Variants in TXLNB observed in about 807,000 individuals in gnomAD.
The protein encoded by TXLNB is taxilin beta, also known as beta-taxilin.
A neutral mutation model predicts 57.4 loss-of-function variants in TXLNB; 37 were observed. The observed-to-expected ratio is 0.64, with a 90% confidence interval of 0.50 to 0.85. The LOEUF (loss-of-function observed/expected upper bound fraction) is 0.85. Ranked by LOEUF, TXLNB falls within the 40% of genes least tolerant of loss-of-function variation. The pLI, the probability that TXLNB is intolerant of heterozygous loss-of-function variation, is 0.00. For missense variants in TXLNB, 848 were observed against 825.6 expected (o/e 1.03, Z -0.33); for synonymous variants, 302 against 309.6 (o/e 0.98, Z 0.26).
the TXLNB span, among the ~76,000 whole-genome samples, chr6:139,211,315 G>A: frequency 1.6e-4 from 25 of 152,272 alleles, no homozygotes; most frequent in East Asian, 1.2e-3. Flanking sequence ...CAGCATTTGC[G>A]GTTCACCAAT....
intron 6 of TXLNB, among the ~76,000 whole-genome samples, chr6:139,259,579 G>A (rs996649091): frequency 6.6e-6 from 1 of 152,134 alleles, no homozygotes; most frequent in Admixed American, 6.5e-5. Context: ...TCTAAAGTAC[G>A]TCCCCTTCTT....
chr6:139,272,812 T>C (rs1035633530), intron 3 of TXLNB, among the ~76,000 whole-genome samples: 3 of 152,204 alleles, frequency 2.0e-5, no homozygotes, highest in Admixed American at 6.5e-5. Flanking sequence ...GGCAGGCGGA[T>C]CACCTGAAGT....
At chr6:139,273,314 G>T (rs1056851345) in intron 3 of TXLNB, among the ~76,000 whole-genome samples, 1 of 152,160 alleles carries the variant, frequency 6.6e-6, no homozygotes, top group Non-Finnish European at 1.5e-5. Flanking sequence ...ATTGTCGCCT[G>T]GTGAACAAAA....
chr6:139,168,425 G>GTTT, the TXLNB span, among the ~76,000 whole-genome samples: 14 of 138,186 alleles, frequency 1.0e-4, no homozygotes, highest in Admixed American at 1.4e-4. Context: ...GATTTGCATA[G>GTTT]TTTTTTTTTT....
At chr6:139,300,504 A>G in the TXLNB span, among the ~76,000 whole-genome samples, 2 of 152,048 alleles carry the variant, frequency 1.3e-5, no homozygotes, top group African/African-American at 4.8e-5. Context: ...TTGTCCATTG[A>G]TAGGCTTAAA....
At chr6:139,247,125 A>G (rs1402186154) in intron 8 of TXLNB, among the ~76,000 whole-genome samples, 1 of 152,070 alleles carries the variant, frequency 6.6e-6, no homozygotes, top group Non-Finnish European at 1.5e-5. Context: ...TTGTATATTC[A>G]TATAAAAGTT....
chr6:139,272,622 G>T (rs969199607), intron 3 of TXLNB, among the ~76,000 whole-genome samples: 2 of 152,226 alleles, frequency 1.3e-5, no homozygotes, highest in African/African-American at 2.4e-5. Context: ...TATTTCTCAT[G>T]CTAAGCTGCT....
At chr6:139,310,696 T>C in the TXLNB span, among the ~76,000 whole-genome samples, 1 of 152,218 alleles carries the variant, frequency 6.6e-6, no homozygotes, top group Non-Finnish European at 1.5e-5. Context: ...TGTTTTGTTT[T>C]GGTTTGGTTT....
the TXLNB span, among the ~76,000 whole-genome samples, chr6:139,314,225 A>G: frequency 1.3e-5 from 2 of 152,168 alleles, no homozygotes; most frequent in Non-Finnish European, 2.9e-5. Flanking sequence ...AGATTTAACT[A>G]AGACTCTGGG....
intron 2 of TXLNB, among the ~76,000 whole-genome samples, chr6:139,278,016 C>T (rs1022439249): frequency 3.3e-5 from 5 of 152,246 alleles, no homozygotes; most frequent in Middle Eastern, 3.4e-3. Flanking sequence ...AAAAATGATT[C>T]GTTGTTTACC....
chr6:139,274,146 G>A lies in TXLNB; in HGVS notation c.516+2684C>T, dbSNP rs556430033. ...TTAAATGTGAAAAATATTTCTCCCA[G>A]GCCATTTCCTAATTTAGTCATGAAA... On this transcript the variant is annotated intron_variant, in intron 3 of 9. Transcript: ENST00000358430. 1.6e-3 allele frequency among the ~76,000 whole-genome samples: 246 copies of A among 152,208 alleles called. 1 individual carries two copies. The highest frequency in any genetic ancestry group is 5.7e-3 in the African/African-American group (236 of 41,534).
the TXLNB span, among the ~76,000 whole-genome samples, chr6:139,165,235 C>A: frequency 1.3e-5 from 2 of 152,096 alleles, no homozygotes; most frequent in Non-Finnish European, 1.5e-5. Flanking sequence ...CATACATGTC[C>A]TTTTATTTCT....
the TXLNB span, among the ~76,000 whole-genome samples, chr6:139,310,424 A>T: frequency 6.6e-6 from 1 of 152,206 alleles, no homozygotes; most frequent in Non-Finnish European, 1.5e-5. Flanking sequence ...ACACTCACTA[A>T]AGTGATACCT....
chr6:139,281,937 C>T (rs1156503154), intron 2 of TXLNB, among the ~76,000 whole-genome samples: 3 of 150,868 alleles, frequency 2.0e-5, no homozygotes, highest in Non-Finnish European at 2.9e-5. Context: ...GTAAAATATT[C>T]ATCCATCCAC....
At chr6:139,164,296 C>T in the TXLNB span, among the ~76,000 whole-genome samples, 3 of 152,076 alleles carry the variant, frequency 2.0e-5, no homozygotes, top group African/African-American at 7.2e-5. Context: ...TGCTTCATGA[C>T]CAAGCCCAGT....
the TXLNB span, chr6:139,167,104 C>G: frequency 6.2e-7 from 1 of 1,614,222 alleles, no homozygotes; most frequent in Non-Finnish European, 8.5e-7. Context: ...TGAACACTTT[C>G]CACGTGCGCA....
the TXLNB span, among the ~76,000 whole-genome samples, chr6:139,303,808 T>C: frequency 1.3e-5 from 2 of 150,848 alleles, no homozygotes; most frequent in African/African-American, 4.9e-5. Context: ...ACAGAAATAA[T>C]CTAGGAACAA....
the TXLNB span, among the ~76,000 whole-genome samples, chr6:139,196,529 C>A: frequency 2.0e-5 from 3 of 151,714 alleles, no homozygotes; most frequent in African/African-American, 7.3e-5. Flanking sequence ...TGCCCACCAC[C>A]ATACCCAGCT....
chr6:139,264,944 T>TAAA (rs1776577139), intron 4 of TXLNB, among the ~76,000 whole-genome samples: 1 of 152,198 alleles, frequency 6.6e-6, no homozygotes, highest in East Asian at 1.9e-4. Flanking sequence ...TTTCAATCAT[T>TAAA]TGGACAGTGT....
Sources: gnomAD v4.1 joint callset for allele counts (sites outside exome capture counted in the v4.1 genomes callset) on GRCh38, gnomAD v4.1.1 for gene constraint, MANE v1.5 for transcripts, NCBI Gene and HGNC (gene_info 2026-07-23, HGNC 2026-07-21) for gene names.